GAREM1: variants seen among roughly 807,000 people sequenced by gnomAD.
The protein encoded by GAREM1 is GRB2 associated regulator of MAPK1 subtype 1, also known as GRB2-associated and regulator of MAPK protein 1.
A neutral mutation model predicts 71.3 loss-of-function variants in GAREM1; 26 were observed. That is an observed-to-expected ratio of 0.36 (90% CI 0.27 to 0.51). The LOEUF (loss-of-function observed/expected upper bound fraction) is 0.51, where lower values mean the gene tolerates loss of function less well. Ranked by LOEUF, GAREM1 falls within the 20% of genes least tolerant of loss-of-function variation. GAREM1 has a pLI of 0.95. For synonymous variants in GAREM1, 440 were observed against 433.2 expected, an observed-to-expected ratio of 1.02 and a Z score of -0.20; for missense variants, 1,026 against 1,103.1, an observed-to-expected ratio of 0.93 and a Z score of 0.99.
chr18:32,364,554 A>G (rs899565203), intron 2 of GAREM1, among the ~76,000 whole-genome samples: 1 of 152,218 alleles, frequency 6.6e-6, no homozygotes, highest in Non-Finnish European at 1.5e-5. Flanking sequence ...TGTGCACAGC[A>G]CACATTTACC....
chr18:32,440,342 T>C (rs769861986), intron 1 of GAREM1, among the ~76,000 whole-genome samples: 2 of 152,164 alleles, frequency 1.3e-5, no homozygotes, highest in African/African-American at 4.8e-5. Context: ...CATGTTATTA[T>C]AGCTTCAGAT....
intron 2 of GAREM1, among the ~76,000 whole-genome samples, chr18:32,341,960 C>T (rs111895241): frequency 6.6e-6 from 1 of 151,768 alleles, no homozygotes; most frequent in South Asian, 2.1e-4. Context: ...TGAGGTACGT[C>T]TGGGAGGATG....
At chr18:32,289,568 G>GT (rs1219843798) in intron 3 of GAREM1, among the ~76,000 whole-genome samples, 2 of 151,648 alleles carry the variant, frequency 1.3e-5, no homozygotes, top group East Asian at 1.9e-4. Context: ...TATTAAAGTT[G>GT]TTTTTTTTAA....
At chr18:32,280,048 A>G (rs1197757301) in intron 4 of GAREM1, among the ~76,000 whole-genome samples, 1 of 152,218 alleles carries the variant, frequency 6.6e-6, no homozygotes, top group East Asian at 1.9e-4. Context: ...CAAATGCCCT[A>G]CGAAACCTCA....
intron 1 of GAREM1, among the ~76,000 whole-genome samples, chr18:32,419,139 A>G (rs2048495985): frequency 6.6e-6 from 1 of 152,176 alleles, no homozygotes. Flanking sequence ...GTCCTTGCCC[A>G]GTGGCCCCAT....
At chr18:32,385,618 G>A (rs920868629) in intron 2 of GAREM1, among the ~76,000 whole-genome samples, 1 of 152,164 alleles carries the variant, frequency 6.6e-6, no homozygotes, top group African/African-American at 2.4e-5. Context: ...CAAGTAGGGA[G>A]CTACTGTGAA....
chr18:32,315,505 GTAGA>G (rs1341989042), intron 2 of GAREM1, among the ~76,000 whole-genome samples: 2 of 145,584 alleles, frequency 1.4e-5, no homozygotes, highest in African/African-American at 5.0e-5. Context: ...ATATAAAAAA[GTAGA>G]TATATATAAA....
In GAREM1 at chr18:32,303,841, C is replaced by T. The variant is rs550139116; in HGVS notation, c.393+6352G>A. Among the ~76,000 whole-genome samples the T allele has an allele frequency of 5.3e-5, 8 of 151,900 alleles. 1 individual carries two copies. The East Asian group carries it at 1.2e-3, about 22-fold the overall frequency. ...GAGGCTGAAGCAGGAGGATCACTTGCGCCCAGGAGTTCAAGGCTGCAATGA... is the reference window on the plus strand; with the variant it reads ...GAGGCTGAAGCAGGAGGATCACTTGTGCCCAGGAGTTCAAGGCTGCAATGA... On this transcript the variant is annotated intron_variant, in intron 3 of 5. Transcript: ENST00000269209.
chr18:32,358,882 C>A (rs143345341), intron 2 of GAREM1, among the ~76,000 whole-genome samples: 1 of 152,118 alleles, frequency 6.6e-6, no homozygotes, highest in Non-Finnish European at 1.5e-5. Context: ...AAAACGAAAA[C>A]GTGGGTTCTC....
chr18:32,460,447 A>G (rs545202799), intron 1 of GAREM1, among the ~76,000 whole-genome samples: 1 of 152,370 alleles, frequency 6.6e-6, no homozygotes, highest in South Asian at 2.1e-4. Flanking sequence ...AATTAGCAGA[A>G]TCAATTAAAA....
intron 1 of GAREM1, among the ~76,000 whole-genome samples, chr18:32,416,618 G>A (rs979898743): frequency 2.0e-5 from 3 of 152,092 alleles, no homozygotes; most frequent in Non-Finnish European, 4.4e-5. Flanking sequence ...AAAATACACT[G>A]GGGGAAACAC....
At chr18:32,469,986 G>A (rs1336325767) in intron 1 of GAREM1, among the ~76,000 whole-genome samples, 4 of 152,172 alleles carry the variant, frequency 2.6e-5, no homozygotes, top group Non-Finnish European at 4.4e-5. Context: ...GGGTTTCCCT[G>A]GTTGAGTAAT....
intron 4 of GAREM1, among the ~76,000 whole-genome samples, chr18:32,273,745 G>C (rs994046337): frequency 6.6e-6 from 1 of 152,108 alleles, no homozygotes; most frequent in Non-Finnish European, 1.5e-5. Context: ...AAGAGAGAGA[G>C]AGAGAGAAAC....
At chr18:32,458,482 A>G (rs1295662755) in intron 1 of GAREM1, among the ~76,000 whole-genome samples, 4 of 152,094 alleles carry the variant, frequency 2.6e-5, no homozygotes. Context: ...CAATTATTCA[A>G]TTTCAAAACC....
At chr18:32,293,948 G>A (rs139491949) in intron 3 of GAREM1, among the ~76,000 whole-genome samples, 8 of 152,128 alleles carry the variant, frequency 5.3e-5, no homozygotes, top group Non-Finnish European at 8.8e-5. Flanking sequence ...AAAATACCTG[G>A]TGTGTATTCT....
intron 2 of GAREM1, among the ~76,000 whole-genome samples, chr18:32,335,050 C>T (rs773325178): frequency 5.8e-4 from 88 of 152,140 alleles, no homozygotes; most frequent in Admixed American, 1.0e-3. Flanking sequence ...ATTTTCAAAT[C>T]GGCACAATGA....
Position 32,450,820 on chromosome 18 carries a change from A to C in GAREM1, c.121+19488T>G, listed in dbSNP as rs183501205. On this transcript the variant is annotated intron_variant, in intron 1 of 5. Transcript: ENST00000269209. ...GACATGTAAGAGGGATACAAGGTGC[A>C]TCACTTCTGAACAGAAGCTTTAAGG... Among the ~76,000 whole-genome samples, 107 of 152,234 alleles carry C rather than the reference A, an allele frequency of 7.0e-4. 1 individual carries two copies. In the East Asian group the frequency reaches 0.016, roughly 23 times the overall value.
chr18:32,356,530 T>A (rs149419011), intron 2 of GAREM1, among the ~76,000 whole-genome samples: 2 of 152,336 alleles, frequency 1.3e-5, no homozygotes, highest in African/African-American at 4.8e-5. Flanking sequence ...AACACCTGTT[T>A]AATGTCCTAA....
At chr18:32,319,649 G>C (rs535983236) in intron 2 of GAREM1, among the ~76,000 whole-genome samples, 1 of 152,220 alleles carries the variant, frequency 6.6e-6, no homozygotes, top group African/African-American at 2.4e-5. Flanking sequence ...ACTACTAGAG[G>C]GTGTAGGGTG....
Sources: gnomAD v4.1 joint callset for allele counts (sites outside exome capture counted in the v4.1 genomes callset) on GRCh38, gnomAD v4.1.1 for gene constraint, MANE v1.5 for transcripts, NCBI Gene and HGNC (gene_info 2026-07-23, HGNC 2026-07-21) for gene names.